The following LEMD1 variants were observed in gnomAD, a reference collection of about 807,000 sequenced individuals.
LEMD1 encodes the protein LEM domain-containing protein 1.
Under a neutral mutation model 17.4 loss-of-function variants are expected in LEMD1, and 18 were observed. The ratio of observed to expected loss-of-function variants is 1.04; its 90% confidence interval spans 0.72 to 1.54. The LOEUF (loss-of-function observed/expected upper bound fraction) is 1.54. Ranked by LOEUF, LEMD1 falls within the 40% of genes most tolerant of loss-of-function variation. The pLI is 0.00. For synonymous variants in LEMD1, 88 were observed against 77.8 expected, an observed-to-expected ratio of 1.13 and a Z score of -0.69; for missense variants, 195 against 210.4, an observed-to-expected ratio of 0.93 and a Z score of 0.45.
rs547028335 is a variant in LEMD1, at chr1:205,417,755, C to G, written c.206-1459G>C. ...GGGATTACAGGATTTTTCAGAGGGC[C>G]CCAGGCACTTGCATGGTTTATCCAG... On this transcript the variant is annotated intron_variant, in intron 3 of 5. Coordinates refer to ENST00000367153, the MANE Select transcript of LEMD1 (RefSeq NM_001199050.2). 7.2e-5 allele frequency among the ~76,000 whole-genome samples: 11 copies of G among 151,914 alleles called. 1 individual carries two copies. In the South Asian group the frequency reaches 2.3e-3, roughly 32 times the overall value.
At chr1:205,412,140 T>TATA (rs1665481649) in intron 4 of LEMD1, among the ~76,000 whole-genome samples, 4 of 152,190 alleles carry the variant, frequency 2.6e-5, no homozygotes, top group Non-Finnish European at 4.4e-5. Flanking sequence ...GCCACCTTAC[T>TATA]CAAAGCCCAT....
intron 4 of LEMD1, among the ~76,000 whole-genome samples, chr1:205,411,550 C>T (rs376640471): frequency 1.8e-4 from 21 of 117,838 alleles, no homozygotes; most frequent in Non-Finnish European, 8.2e-5. Flanking sequence ...AGTGAGACTC[C>T]GTCTCAAAAA....
chr1:205,414,913 G>T (rs1250146507), intron 4 of LEMD1, among the ~76,000 whole-genome samples: 2 of 152,134 alleles, frequency 1.3e-5, no homozygotes, highest in Non-Finnish European at 2.9e-5. Context: ...AGTAATGTGG[G>T]TGCAAGCTAG....
intron 4 of LEMD1, among the ~76,000 whole-genome samples, chr1:205,390,038 C>A (rs1664254522): frequency 6.6e-6 from 1 of 151,830 alleles, no homozygotes; most frequent in African/African-American, 2.4e-5. Flanking sequence ...ACCTTATGAT[C>A]ATCTCCATTC....
At chr1:205,417,678 C>A (rs553309435) in intron 3 of LEMD1, among the ~76,000 whole-genome samples, 1 of 151,928 alleles carries the variant, frequency 6.6e-6, no homozygotes, top group Non-Finnish European at 1.5e-5. Context: ...GTGAGGCCAG[C>A]GGTGCAAAAC....
At chr1:205,407,406 G>A (rs1665169621) in intron 4 of LEMD1, among the ~76,000 whole-genome samples, 1 of 151,802 alleles carries the variant, frequency 6.6e-6, no homozygotes, top group Non-Finnish European at 1.5e-5. Flanking sequence ...GGAGCTGAAG[G>A]TTGAATTAAT....
intron 1 of LEMD1, among the ~76,000 whole-genome samples, chr1:205,447,050 T>A (rs1461926966): frequency 6.6e-6 from 1 of 152,212 alleles, no homozygotes; most frequent in Non-Finnish European, 1.5e-5. Flanking sequence ...GAGAACAACC[T>A]CCCGTCTGGG....
intron 4 of LEMD1, among the ~76,000 whole-genome samples, chr1:205,390,044 CAT>C (rs1468369877): frequency 6.6e-6 from 1 of 151,366 alleles, no homozygotes; most frequent in Non-Finnish European, 1.5e-5. Flanking sequence ...TGATCATCTC[CAT>C]TCCTGGTTTT....
intron 1 of LEMD1, among the ~76,000 whole-genome samples, chr1:205,427,984 C>T (rs1054849721): frequency 6.6e-6 from 1 of 152,030 alleles, no homozygotes; most frequent in African/African-American, 2.4e-5. Flanking sequence ...CTGAGGATCC[C>T]GAGTATGGAA....
At chr1:205,399,441 A>G (rs1574961809) in intron 4 of LEMD1, among the ~76,000 whole-genome samples, 2 of 152,242 alleles carry the variant, frequency 1.3e-5, no homozygotes, top group Admixed American at 6.5e-5. Flanking sequence ...AGATACATAC[A>G]TTTATTTTCT....
At chr1:205,409,626 G>A (rs1665290829) in intron 4 of LEMD1, among the ~76,000 whole-genome samples, 1 of 151,504 alleles carries the variant, frequency 6.6e-6, no homozygotes, top group Admixed American at 6.6e-5. Flanking sequence ...TTTAAGAGAA[G>A]GCCTCACTCT....
intron 4 of LEMD1, among the ~76,000 whole-genome samples, chr1:205,411,527 G>A (rs1162930706): frequency 1.4e-5 from 2 of 143,404 alleles, no homozygotes; most frequent in East Asian, 4.2e-4. Context: ...CTGCACTCCA[G>A]CCTAGGCCAC....
chr1:205,382,369 A>T (rs1663753074), intron 5 of LEMD1, among the ~76,000 whole-genome samples: 2 of 151,182 alleles, frequency 1.3e-5, no homozygotes, highest in Admixed American at 1.3e-4. Context: ...GTGTACTATG[A>T]TTGTGCCACT....
intron 1 of LEMD1, among the ~76,000 whole-genome samples, chr1:205,430,741 G>C (rs1476045068): frequency 6.6e-6 from 1 of 152,240 alleles, no homozygotes; most frequent in East Asian, 1.9e-4. Flanking sequence ...CAAGCAGCCG[G>C]CGAGGCGCAC....
At position 205,445,061 on chromosome 1, in the gene LEMD1, T is replaced by C. The variant is rs527262193; in HGVS notation, c.-39+4807A>G. On this transcript the variant is annotated intron_variant, in intron 1 of 3. Transcript: ENST00000367154. ...CTTCCCTCCCTGAGCCATTCATCAC[T>C]GCGAAGGGAAGCAGCTGCGGCTTAG... Among the ~76,000 whole-genome samples the C allele has an allele frequency of 1.0e-3, 152 of 152,246 alleles. 1 individual carries two copies. Among genetic ancestry groups the C allele is most frequent in the African/African-American group, 3.6e-3 (148 of 41,544 alleles).
chr1:205,415,347 G>A (rs574781347), intron 4 of LEMD1, among the ~76,000 whole-genome samples: 2 of 152,292 alleles, frequency 1.3e-5, no homozygotes, highest in East Asian at 1.9e-4. Flanking sequence ...GGAGAGAAGC[G>A]TGTGTGGGGA....
intron 1 of LEMD1, among the ~76,000 whole-genome samples, chr1:205,430,026 G>A (rs1193672798): frequency 6.6e-6 from 1 of 152,226 alleles, no homozygotes; most frequent in African/African-American, 2.4e-5. Flanking sequence ...ACATTGGACA[G>A]GGCTGGGACA....
chr1:205,436,919 T>C (rs1424829610), intron 1 of LEMD1: 1 of 152,306 alleles, frequency 6.6e-6, no homozygotes, highest in African/African-American at 2.4e-5. Flanking sequence ...ATGCGTGCCT[T>C]CCTGTGAGGT....
In LEMD1 at chr1:205,447,165, T is replaced by C. The variant is rs80149420; in HGVS notation, c.-39+2703A>G. On this transcript the variant is annotated intron_variant, in intron 1 of 3. Transcript: ENST00000367154. ...GCATGGGTTTTGGCACCAGACCACG[T>C]GGGTTCACGTCCCAGTTGTGCTCCT... Among the ~76,000 whole-genome samples the C allele has an allele frequency of 4.2e-3, 636 of 152,324 alleles. 10 individuals are homozygous for C. The highest frequency in any genetic ancestry group is 0.034 in the South Asian group (162 of 4,832).
Sources: allele counts gnomAD v4.1 joint callset (sites outside exome capture counted in the v4.1 genomes callset), GRCh38; gene constraint gnomAD v4.1.1; transcripts MANE v1.5; gene names NCBI Gene and HGNC (gene_info 2026-07-23, HGNC 2026-07-21).